The following VAMP2 variants were observed in gnomAD, a reference collection of about 807,000 sequenced individuals.
The protein encoded by VAMP2 is vesicle-associated membrane protein 2.
For synonymous variants in VAMP2, 67 were observed against 57.3 expected (o/e 1.17, Z -0.76); for missense variants, 95 against 151.3 (o/e 0.63, Z 1.95).
Position 8,162,340 on chromosome 17 carries a change from G to A in VAMP2, c.32C>T (p.Ala11Val). 6.2e-7 allele frequency: 1 copy of A among 1,606,750 alleles called. No individual in the cohort carries two copies. The highest frequency in any genetic ancestry group is 1.3e-5 in the African/African-American group (1 of 74,514). The change falls in exon 2 of 5, where the codon GCT (alanine) becomes GTT (valine). Residue 11 changes from alanine to valine, a missense_variant. Transcript: ENST00000316509. ...GGGACCACCCTCCCCAGCCGGGGCA[G>A]CAGGGGGGGCCGTGGCAGCGGTAGC... MSATAATAPP[A>V]APAGEGGPPA... is the part of the protein sequence containing the mutation.
chr17:8,161,254 C>G (rs575507178), intron 4 of VAMP2: 2 of 689,458 alleles, frequency 2.9e-6, no homozygotes, highest in South Asian at 2.0e-5. Flanking sequence ...GATACACCAG[C>G]TTTCCTATTT....
intron 4 of VAMP2, 117 bp from the exon 5 acceptor site, chr17:8,160,988 G>T: frequency 2.3e-6 from 2 of 881,414 alleles, no homozygotes; most frequent in South Asian, 3.2e-5. Context: ...CCAGCTGGCT[G>T]ACACCCTCTC....
rs760843943 is a variant in VAMP2, at chr17:8,161,626, G to A, written c.264C>T (p.Tyr88=). ...ETSAAKLKRK[Y]WWKNLKMMII... The stretch of plus-strand genomic sequence containing the variant: ...CCCTTACCTTGAGGTTTTTCCACCA[G>A]TATTTGCGCTTGAGCTTGGCTGCGC... Residue 88 remains tyrosine, a synonymous_variant, in exon 3 of 5, where the codon TAC becomes TAT. Transcript: ENST00000316509. 3.7e-6 allele frequency: 6 copies of A among 1,614,046 alleles called. No individual in the cohort carries two copies. Among genetic ancestry groups the A allele is most frequent in the Admixed American group, 1.7e-5 (1 of 60,006 alleles).
chr17:8,159,434 A>G lies in VAMP2; in HGVS notation c.*1421T>C, dbSNP rs941789441. On this transcript the variant is annotated 3_prime_UTR_variant, in exon 5 of 5. Coordinates refer to ENST00000316509, the MANE Select transcript of VAMP2 (RefSeq NM_014232.3). ...ACCCTCAAACCCTTAAAATTGTGCC[A>G]TTTAAAAAGACAATAGACCCTTCCT... 9 of 152,574 alleles carry G rather than the reference A, an allele frequency of 5.9e-5. No individual in the cohort carries two copies. Among genetic ancestry groups the G allele is most frequent in the Non-Finnish European group, 1.2e-4 (8 of 68,028 alleles). 9.5% of individuals were successfully genotyped at this position (152,574 alleles called of 1,614,324 possible). A position where few individuals can be genotyped will look rare whatever the true frequency, so the allele number is the denominator to read the frequency against.
In VAMP2 at chr17:8,162,477, G is replaced by C. The variant is rs776235029; in HGVS notation, c.3-108C>G. On this transcript the variant is annotated intron_variant, in intron 1 of 4. Coordinates refer to ENST00000316509, the MANE Select transcript of VAMP2 (RefSeq NM_014232.3). The stretch of plus-strand genomic sequence containing the variant: ...CCTCGTCCCTCCAGTCCTCCTTTTC[G>C]GGAGGAAGGCCACCCGATGTAAGCC... 1.1e-5 allele frequency: 17 copies of C among 1,551,994 alleles called. No homozygotes were observed. In the African/African-American group the frequency reaches 1.5e-4, roughly 14 times the overall value.
In VAMP2 at chr17:8,160,725, GACAC is replaced by G; in HGVS notation, c.*126_*129del. On this transcript the variant is annotated 3_prime_UTR_variant, in exon 5 of 5. Coordinates refer to ENST00000316509, the MANE Select transcript of VAMP2 (RefSeq NM_014232.3). ...AATAACAGCTGGCTATTTACAGGGGGACACACACACGGACACACACACACACGGA... is the reference window on the plus strand; with the variant it reads ...AATAACAGCTGGCTATTTACAGGGGGACACACGGACACACACACACACGGA... The G allele has an allele frequency of 1.4e-6, 1 of 719,790 alleles. No homozygotes were observed. The allele number at this position is 719,790 out of a possible 1,614,324, so 44.6% of individuals were successfully genotyped here. A position where few individuals can be genotyped will look rare whatever the true frequency, so the allele number is the denominator to read the frequency against.
chr17:8,162,193 C>A, intron 2 of VAMP2, 56 bp downstream of exon 2: 1 of 1,501,018 alleles, frequency 6.7e-7, no homozygotes, highest in Non-Finnish European at 8.9e-7. Flanking sequence ...GGCCCCTACA[C>A]CTATACGCCA....
Position 8,162,885 on chromosome 17 carries a change from G to A in VAMP2, c.-6C>T, listed in dbSNP as rs188854454. On this transcript the variant is annotated 5_prime_UTR_variant, in exon 1 of 5. Transcript: ENST00000316509. ...GGCGGGCGGCCGACTCACATGGCGG[G>A]GGCAGCGGGTGGAGGACTTGGCAGC... 413 of 1,212,636 alleles carry A rather than the reference G, an allele frequency of 3.4e-4. 3 individuals carry two copies. The African/African-American group carries it at 6.0e-3, about 18-fold the overall frequency. 75.1% of individuals were successfully genotyped at this position (1,212,636 alleles called of 1,614,324 possible).
rs541806233 is a variant in VAMP2 at position 8,161,117 on chromosome 17, G to A, written c.335-246C>T. On this transcript the variant is annotated intron_variant, in intron 4 of 4. Transcript: ENST00000316509. ...CCTAATCCTCTGAGCCTCTGAGACCGCAAGCTCTCAAATAATGGGGTGGTT... is the reference window on the plus strand; with the variant it reads ...CCTAATCCTCTGAGCCTCTGAGACCACAAGCTCTCAAATAATGGGGTGGTT... The A allele has an allele frequency of 2.1e-4, 116 of 549,610 alleles. 1 individual carries two copies. The highest frequency in any genetic ancestry group is 1.8e-4 in the East Asian group (6 of 33,412). The allele number at this position is 549,610 out of a possible 1,614,324, so 34.0% of individuals were successfully genotyped here. A position where few individuals can be genotyped will look rare whatever the true frequency, so the allele number is the denominator to read the frequency against.
chr17:8,162,342 AG>A lies in VAMP2; in HGVS notation c.29del (p.Pro10LeufsTer37). On this transcript the variant is annotated frameshift_variant, in exon 2 of 5. Coordinates refer to ENST00000316509, the MANE Select transcript of VAMP2 (RefSeq NM_014232.3). LOFTEE classifies it high-confidence loss of function. ...GACCACCCTCCCCAGCCGGGGCAGC[AG>A]GGGGGGCCGTGGCAGCGGTAGCAGA... The part of the protein sequence containing the change: MSATAATAP[P>X]AAPAGEGGPP... 17 of 1,606,182 alleles carry A rather than the reference AG, an allele frequency of 1.1e-5. No homozygotes were observed. Among genetic ancestry groups the A allele is most frequent in the Middle Eastern group, 1.7e-4 (1 of 6,006 alleles).
At chr17:8,162,776 G>A in intron 1 of VAMP2, 102 bp downstream of exon 1, 3 of 1,236,724 alleles carry the variant, frequency 2.4e-6, no homozygotes, top group Non-Finnish European at 3.0e-6. Flanking sequence ...GCCCCGGGGC[G>A]CGGGGAACGC....
intron 1 of VAMP2, chr17:8,162,675 G>C (rs1486646027): frequency 7.4e-7 from 1 of 1,349,320 alleles, no homozygotes; most frequent in South Asian, 1.9e-5. Flanking sequence ...AGGACACTGG[G>C]TCCGCTCCTT....
In VAMP2 at chr17:8,161,620, C is replaced by A; in HGVS notation, c.270G>T (p.Trp90Cys). The A allele has an allele frequency of 1.9e-6, 3 of 1,614,136 alleles. No individual in the cohort carries two copies. The highest frequency in any genetic ancestry group is 2.5e-6 in the Non-Finnish European group (3 of 1,179,976). ...TCCCCACCCTTACCTTGAGGTTTTTCCACCAGTATTTGCGCTTGAGCTTGG... is the reference window on the plus strand; with the variant it reads ...TCCCCACCCTTACCTTGAGGTTTTTACACCAGTATTTGCGCTTGAGCTTGG... ...SAAKLKRKYWWKNLKMMIILG... is the reference protein window; with the variant it reads ...SAAKLKRKYWCKNLKMMIILG... Residue 90 changes from tryptophan to cysteine, a missense_variant, in exon 3 of 5, where the codon TGG (tryptophan) becomes TGT (cysteine). By Grantham distance (215) the Trp-to-Cys change is radical. Coordinates refer to ENST00000316509, the MANE Select transcript of VAMP2 (RefSeq NM_014232.3).
In VAMP2 at chr17:8,162,302, G is replaced by C. The variant is rs1983338162; in HGVS notation, c.70C>G (p.Pro24Ala). ...AGEGGPPAPP[P>A]NLTSNRRLQQ... ...AGTCTCCTGTTACTGGTGAGGTTTGGAGGGGGTGCAGGGGGACCACCCTCC... is the reference window on the plus strand; with the variant it reads ...AGTCTCCTGTTACTGGTGAGGTTTGCAGGGGGTGCAGGGGGACCACCCTCC... The change falls in exon 2 of 5, where the codon CCA becomes GCA. Residue 24 changes from proline (P) to alanine (A), a missense_variant. Physicochemically the swap from Pro to Ala is conservative, Grantham distance 27 (BLOSUM62 -1). Coordinates refer to ENST00000316509, the MANE Select transcript of VAMP2 (RefSeq NM_014232.3). 1 of 1,595,408 alleles carries C rather than the reference G, an allele frequency of 6.3e-7. No individual in the cohort carries two copies. Among genetic ancestry groups the C allele is most frequent in the East Asian group, 2.3e-5 (1 of 43,992 alleles).
chr17:8,161,742 C>T lies in VAMP2; in HGVS notation c.148G>A (p.Val50Met), dbSNP rs781008796. The T allele has an allele frequency of 1.9e-6, 3 of 1,613,968 alleles. No individual in the cohort carries two copies. The highest frequency in any genetic ancestry group is 2.5e-6 in the Non-Finnish European group (3 of 1,179,874). ...DEVVDIMRVN[V>M]DKVLERDQKL... ...TGGTCTCGCTCCAGGACCTTGTCCACGTTCACCCTCATGATGTCCACCACC... is the reference window on the plus strand; with the variant it reads ...TGGTCTCGCTCCAGGACCTTGTCCATGTTCACCCTCATGATGTCCACCACC... The change falls in exon 3 of 5, where the codon GTG becomes ATG. Residue 50 changes from valine to methionine, a missense_variant. Transcript: ENST00000316509.
rs771338747 is a variant in VAMP2, at chr17:8,160,848, C to T, written c.*7G>A. 18 of 1,607,752 alleles carry T rather than the reference C, an allele frequency of 1.1e-5. No individual in the cohort carries two copies. Among genetic ancestry groups the T allele is most frequent in the Admixed American group, 5.0e-5 (3 of 59,638 alleles). Reference sequence around the variant, plus strand: ...CCTTCTCTAGGCAGGGCAGACTCCTCGGGGATTTAAGTGCTGAAGTAAACT... The same window carrying T: ...CCTTCTCTAGGCAGGGCAGACTCCTTGGGGATTTAAGTGCTGAAGTAAACT... On this transcript the variant is annotated 3_prime_UTR_variant, in exon 5 of 5. Coordinates refer to ENST00000316509, the MANE Select transcript of VAMP2 (RefSeq NM_014232.3).
At chr17:8,160,977 C>A in intron 4 of VAMP2, 106 bp from the exon 5 acceptor site, 1 of 994,956 alleles carries the variant, frequency 1.0e-6, no homozygotes, top group Non-Finnish European at 1.5e-6. Flanking sequence ...CTCCCCACTC[C>A]CCAGCTGGCT....
chr17:8,162,344 G>C lies in VAMP2; in HGVS notation c.28C>G (p.Pro10Ala), dbSNP rs763327958. Residue 10 changes from proline to alanine, a missense_variant, in exon 2 of 5, where the codon CCT becomes GCT. Coordinates refer to ENST00000316509, the MANE Select transcript of VAMP2 (RefSeq NM_014232.3). MSATAATAP[P>A]AAPAGEGGPP... ...CCACCCTCCCCAGCCGGGGCAGCAG[G>C]GGGGGCCGTGGCAGCGGTAGCAGAC... 4.4e-5 allele frequency: 71 copies of C among 1,607,318 alleles called. No homozygotes were observed. The highest frequency in any genetic ancestry group is 1.2e-4 in the South Asian group (11 of 90,486).
intron 1 of VAMP2, 76 bp from the exon 2 acceptor site, chr17:8,162,445 T>G: frequency 6.3e-7 from 1 of 1,577,154 alleles, no homozygotes; most frequent in East Asian, 2.4e-5. Context: ...CCCATCCACC[T>G]GTCCATCCTC....
Sources: allele counts gnomAD v4.1 joint callset, GRCh38; gene constraint gnomAD v4.1.1; transcripts MANE v1.5; gene names NCBI Gene and HGNC (gene_info 2026-07-23, HGNC 2026-07-21).